The following LAMA2 variants were observed in gnomAD, a reference collection of about 807,000 sequenced individuals.
LAMA2 encodes the protein laminin subunit alpha-2.
A neutral mutation model predicts 364.8 loss-of-function variants in LAMA2; 269 were observed. That is an observed-to-expected ratio of 0.74 (90% confidence interval 0.67 to 0.82). The LOEUF is 0.82. LAMA2 is among the 40% of genes least tolerant of loss of function. The pLI, the probability that LAMA2 is intolerant of heterozygous loss-of-function variation, is 0.00. For missense variants in LAMA2, 3,807 were observed against 3,873.2 expected (o/e 0.98, Z 0.45); for synonymous variants, 1,379 against 1,370.6 (o/e 1.01, Z -0.14).
Position 129,288,059 on chromosome 6 carries a change from G to GTTT in LAMA2, c.2749+2_2749+3insTTT. ...GCAGTTGATGCGAAGAACTGTCAGC[G>GTTT]TAAGTCCTGAACTATTGATGCCCCT... is the stretch of plus-strand genomic sequence containing the variant. On this transcript the variant is annotated splice_donor_variant, in intron 19 of 64. Coordinates refer to ENST00000421865, the MANE Select transcript of LAMA2 (RefSeq NM_000426.4). LOFTEE classifies it high-confidence loss of function. 2 of 1,612,802 alleles carry GTTT rather than the reference G, an allele frequency of 1.2e-6. No homozygotes were observed. Among genetic ancestry groups the GTTT allele is most frequent in the Non-Finnish European group, 1.7e-6 (2 of 1,178,800 alleles).
intron 9 of LAMA2, among the ~76,000 whole-genome samples, chr6:129,172,487 A>G (rs920701821): frequency 6.4e-4 from 98 of 152,294 alleles, no homozygotes; most frequent in Non-Finnish European, 1.2e-3. Context: ...TACGCTGCTC[A>G]GGGGTCAGGG....
At chr6:129,030,120 A>G (rs577756840) in intron 1 of LAMA2, among the ~76,000 whole-genome samples, 1 of 152,146 alleles carries the variant, frequency 6.6e-6, no homozygotes, top group South Asian at 2.1e-4. Context: ...CTTGACTTGT[A>G]TCTACCTTTA....
At chr6:129,384,838 T>C (rs1329392224) in intron 35 of LAMA2, among the ~76,000 whole-genome samples, 1 of 151,944 alleles carries the variant, frequency 6.6e-6, no homozygotes, top group Non-Finnish European at 1.5e-5. Context: ...GGGCACCCTT[T>C]TCTAATTTAT....
At chr6:129,383,311 T>G in intron 35 of LAMA2, 78 bp downstream of exon 35, 1 of 1,122,228 alleles carries the variant, frequency 8.9e-7, no homozygotes, top group Non-Finnish European at 1.3e-6. Context: ...GGACTGGAAT[T>G]TCTCTTGTTA....
At chr6:129,107,715 AC>A (rs1220873073) in intron 4 of LAMA2, among the ~76,000 whole-genome samples, 1 of 152,208 alleles carries the variant, frequency 6.6e-6, no homozygotes, top group Admixed American at 6.5e-5. Context: ...ATATACTAAT[AC>A]TTGTCGCATT....
chr6:129,489,187 T>TG (rs1420726316), intron 56 of LAMA2, among the ~76,000 whole-genome samples: 16 of 152,248 alleles, frequency 1.1e-4, no homozygotes, highest in Non-Finnish European at 2.9e-5. Flanking sequence ...TTTCAGACTA[T>TG]GCATGTCAGT....
rs1780953069 is a variant in LAMA2 at position 129,181,893 on chromosome 6, AAGAC to A, written c.1467+4029_1467+4032del. 2.0e-5 allele frequency among the ~76,000 whole-genome samples: 3 copies of A among 152,048 alleles called. No homozygotes were observed. The South Asian group carries it at 6.2e-4, about 32-fold the overall frequency. ...CCTAGTAGAAAACCTGTCAACCAGC[AAGAC>A]AAAGAGAAAAATATTAAAACTGGGG... is the stretch of plus-strand genomic sequence containing the variant. On this transcript the variant is annotated intron_variant, in intron 10 of 64. Coordinates refer to ENST00000421865, the MANE Select transcript of LAMA2 (RefSeq NM_000426.4).
chr6:129,105,383 C>T (rs1775761977), intron 4 of LAMA2, among the ~76,000 whole-genome samples: 1 of 152,140 alleles, frequency 6.6e-6, no homozygotes, highest in Non-Finnish European at 1.5e-5. Flanking sequence ...TTGGAAGCAC[C>T]CTGAGAACTT....
intron 8 of LAMA2, among the ~76,000 whole-genome samples, chr6:129,161,803 C>G (rs567728586): frequency 6.6e-6 from 1 of 152,144 alleles, no homozygotes; most frequent in African/African-American, 2.4e-5. Flanking sequence ...GCCTTCTGCT[C>G]CATCCATGTT....
At chr6:128,958,882 C>A (rs1305652478) in intron 1 of LAMA2, among the ~76,000 whole-genome samples, 1 of 152,134 alleles carries the variant, frequency 6.6e-6, no homozygotes, top group African/African-American at 2.4e-5. Flanking sequence ...ATTTAAACAA[C>A]TATAACTTAA....
intron 12 of LAMA2, among the ~76,000 whole-genome samples, chr6:129,246,911 A>G (rs890234620): frequency 1.3e-5 from 2 of 152,196 alleles, no homozygotes; most frequent in Non-Finnish European, 2.9e-5. Flanking sequence ...TCCCTGAATA[A>G]TAGCATCCTT....
At chr6:128,979,918 A>G (rs1382911498) in intron 1 of LAMA2, among the ~76,000 whole-genome samples, 2 of 152,250 alleles carry the variant, frequency 1.3e-5, no homozygotes, top group Non-Finnish European at 2.9e-5. Context: ...TGTATTTAAA[A>G]TATTTTGGAA....
Position 129,353,243 on chromosome 6 carries a change from C to G in LAMA2, c.4603C>G (p.Leu1535Val), listed in dbSNP as rs1776956285. Residue 1535 changes from leucine (L) to valine (V), a missense_variant, in exon 32 of 65, where the codon CTG (leucine) becomes GTG (valine). Leu to Val is a conservative substitution (Grantham distance 32, BLOSUM62 1). Coordinates refer to ENST00000421865, the MANE Select transcript of LAMA2 (RefSeq NM_000426.4). ...ATGTGAGTGTGATCCCTATGGCTCACTGCCTGTGCCCTGTGACCCTGTCAC... is the reference window on the plus strand; with the variant it reads ...ATGTGAGTGTGATCCCTATGGCTCAGTGCCTGTGCCCTGTGACCCTGTCAC... ...QECECDPYGS[L>V]PVPCDPVTGF... is the part of the protein sequence containing the mutation. The G allele has an allele frequency of 1.9e-6, 3 of 1,614,118 alleles. No individual in the cohort carries two copies. The highest frequency in any genetic ancestry group is 2.5e-6 in the Non-Finnish European group (3 of 1,180,000).
intron 1 of LAMA2, among the ~76,000 whole-genome samples, chr6:128,996,545 T>G (rs1242677294): frequency 6.6e-6 from 1 of 152,182 alleles, no homozygotes; most frequent in East Asian, 1.9e-4. Context: ...TCACTGGTAA[T>G]TAGAGAAATG....
chr6:129,168,202 C>T (rs1779888670), intron 9 of LAMA2, among the ~76,000 whole-genome samples: 1 of 147,504 alleles, frequency 6.8e-6, no homozygotes, highest in African/African-American at 2.5e-5. Flanking sequence ...TCTTTTGTTG[C>T]CATTGCTTTT....
At chr6:128,919,390 C>G (rs1778552971) in intron 1 of LAMA2, among the ~76,000 whole-genome samples, 1 of 152,224 alleles carries the variant, frequency 6.6e-6, no homozygotes, top group Non-Finnish European at 1.5e-5. Flanking sequence ...TCATTATCAT[C>G]ATTGTCATCA....
chr6:128,995,899 T>C (rs774892252), intron 1 of LAMA2, among the ~76,000 whole-genome samples: 3 of 152,182 alleles, frequency 2.0e-5, no homozygotes, highest in Non-Finnish European at 4.4e-5. Context: ...TTTAGGACGT[T>C]TAGAGTTTTT....
chr6:129,248,520 A>G (rs1050473989), intron 12 of LAMA2, among the ~76,000 whole-genome samples: 5 of 152,138 alleles, frequency 3.3e-5, no homozygotes, highest in Non-Finnish European at 7.4e-5. Flanking sequence ...TATTAAGTTG[A>G]TATTTTTCTT....
chr6:129,492,469 C>G lies in LAMA2; in HGVS notation c.8230C>G (p.Pro2744Ala), dbSNP rs781750033. The change falls in exon 58 of 65, where the codon CCA becomes GCA. Residue 2744 changes from proline (P) to alanine (A), a missense_variant. Physicochemically the swap from Pro to Ala is conservative, Grantham distance 27 (BLOSUM62 -1). Transcript: ENST00000421865. ...VPTPAFPTPT[P>A]VLTHGPCAAE... The stretch of plus-strand genomic sequence containing the variant: ...CACCCCAGCCTTTCCTACGCCCACC[C>G]CAGTTCTGACACATGTAAGTGTTTA... 2 of 1,613,958 alleles carry G rather than the reference C, an allele frequency of 1.2e-6. No individual in the cohort carries two copies. The highest frequency in any genetic ancestry group is 1.7e-6 in the Non-Finnish European group (2 of 1,179,888).
Sources: gnomAD v4.1 joint callset for allele counts (sites outside exome capture counted in the v4.1 genomes callset) on GRCh38, gnomAD v4.1.1 for gene constraint, MANE v1.5 for transcripts, NCBI Gene and HGNC (gene_info 2026-07-23, HGNC 2026-07-21) for gene names.